MSH6: variants seen among roughly 807,000 people sequenced by gnomAD.
MSH6 encodes mutS homolog 6.
In MSH6, 85 loss-of-function variants were observed where a neutral mutation model predicts 119.1. The ratio of observed to expected loss-of-function variants is 0.71; its 90% CI spans 0.60 to 0.85. The LOEUF is 0.85. MSH6 is among the 40% of genes least tolerant of loss of function. MSH6 has a pLI of 0.00. For synonymous variants in MSH6, 830 were observed against 586.9 expected (o/e 1.41, Z -5.99); for missense variants, 2,163 against 1,655.3 (o/e 1.31, Z -5.32).
At position 47,799,291 on chromosome 2, in the gene MSH6, C is replaced by T. The variant is rs761037236; in HGVS notation, c.1308C>T (p.Tyr436=). Residue 436 remains tyrosine (Y), a synonymous_variant, in exon 4 of 10, where the codon TAC becomes TAT. Transcript: ENST00000234420. The part of the protein sequence containing the change: ...CYKVGKFYEL[Y]HMDALIGVSE... ...AGGTGGGGAAATTTTATGAGCTGTA[C>T]CACATGGATGCTCTTATTGGAGTCA... The T allele has an allele frequency of 3.1e-6, 5 of 1,613,826 alleles. No individual in the cohort carries two copies. Among genetic ancestry groups the T allele is most frequent in the Admixed American group, 1.7e-5 (1 of 59,992 alleles).
In MSH6 at chr2:47,800,496, C is replaced by G. The variant is rs770952730; in HGVS notation, c.2513C>G (p.Pro838Arg). ...TCTCCCCTGAAGAGTCAGAACCACC[C>G]AGACAGCAGGGCTATAATGTATGAA... The part of the protein sequence containing the change: ...VGSPLKSQNH[P>R]DSRAIMYEET... Residue 838 changes from proline to arginine, a missense_variant, in exon 4 of 10, where the codon CCA becomes CGA. By Grantham distance (103) the Pro-to-Arg change is moderately radical (BLOSUM62 -2). Coordinates refer to ENST00000234420, the MANE Select transcript of MSH6 (RefSeq NM_000179.3). 3 of 1,612,666 alleles carry G rather than the reference C, an allele frequency of 1.9e-6. No individual in the cohort carries two copies. Among genetic ancestry groups the G allele is most frequent in the Non-Finnish European group, 2.5e-6 (3 of 1,179,688 alleles).
intron 1 of MSH6, chr2:47,784,139 G>T: frequency 9.9e-7 from 1 of 1,005,046 alleles, no homozygotes; most frequent in Non-Finnish European, 1.2e-6. Flanking sequence ...GCCACGAGCT[G>T]CGAGCGCGGG....
Position 47,806,299 on chromosome 2 carries a change from C to A in MSH6, c.3742C>A (p.His1248Asn), listed in dbSNP as rs63750882. 1 of 1,614,054 alleles carries A rather than the reference C, an allele frequency of 6.2e-7. No individual in the cohort carries two copies. The highest frequency in any genetic ancestry group is 8.5e-7 in the Non-Finnish European group (1 of 1,179,916). ...AAAATGTCGTACATTATTTTCAACT[C>A]ACTACCATTCATTAGTAGAAGATTA... ...TIKCRTLFST[H>N]YHSLVEDYSQ... The change falls in exon 8 of 10, where the codon CAC (histidine) becomes AAC (asparagine). Residue 1248 changes from histidine to asparagine, a missense_variant. By Grantham distance (68) the His-to-Asn change is moderately conservative. Transcript: ENST00000234420.
chr2:47,805,304 C>T (rs964063169), intron 6 of MSH6, among the ~76,000 whole-genome samples: 4 of 151,900 alleles, frequency 2.6e-5, no homozygotes, highest in East Asian at 1.9e-4. Context: ...CTCAGCCTCT[C>T]GAGTAGCTGG....
intron 1 of MSH6, among the ~76,000 whole-genome samples, chr2:47,788,238 C>G (rs1397507400): frequency 1.8e-5 from 2 of 112,412 alleles, no homozygotes; most frequent in Admixed American, 1.9e-4. Context: ...TTCTTTCATT[C>G]TTTCTTTCTT....
intron 2 of MSH6, 110 bp downstream of exon 2, chr2:47,791,233 A>C: frequency 9.4e-7 from 1 of 1,069,436 alleles, no homozygotes; most frequent in Non-Finnish European, 1.4e-6. Context: ...AGTGTATTTT[A>C]CCCCAGTAAA....
intron 1 of MSH6, among the ~76,000 whole-genome samples, chr2:47,787,856 A>C (rs1668441360): frequency 6.6e-6 from 1 of 152,116 alleles, no homozygotes; most frequent in Admixed American, 6.6e-5. Context: ...TGGGCTCTTA[A>C]GAGATCCTCC....
At chr2:47,788,912 T>C (rs1668536052) in intron 1 of MSH6, among the ~76,000 whole-genome samples, 1 of 63,622 alleles carries the variant, frequency 1.6e-5, no homozygotes, top group Non-Finnish European at 3.3e-5. Flanking sequence ...TCTTCCTTTT[T>C]TTTTTTTTTG....
Position 47,803,440 on chromosome 2 carries a change from A to G in MSH6, c.3193A>G (p.Asn1065Asp), listed in dbSNP as rs1669731638. The part of the protein sequence containing the change: ...AVLDVLLCLA[N>D]YSRGGDGPMC... ...AACAGATGTTTTACTGTGCCTGGCT[A>G]ACTATAGTCGAGGGGGTGATGGTCC... is the stretch of plus-strand genomic sequence containing the variant. The change falls in exon 5 of 10, where the codon AAC becomes GAC. Residue 1065 changes from asparagine to aspartate, a missense_variant. By Grantham distance (23) the Asn-to-Asp change is conservative. Transcript: ENST00000234420. 6.2e-7 allele frequency: 1 copy of G among 1,614,172 alleles called. No individual in the cohort carries two copies. The highest frequency in any genetic ancestry group is 8.5e-7 in the Non-Finnish European group (1 of 1,180,030).
chr2:47,783,371 G>T lies in MSH6; in HGVS notation c.138G>T (p.Gly46=). The change falls in exon 1 of 10, where the codon GGG becomes GGT. Residue 46 remains glycine, a synonymous_variant. Transcript: ENST00000234420. ...CCGGGGCCTCTCCTTCCCCAGGCGG[G>T]GATGCGGCCTGGAGCGAGGCTGGGC... The part of the protein sequence containing the change: ...AAPGASPSPG[G]DAAWSEAGPG... 6.2e-7 allele frequency: 1 copy of T among 1,601,500 alleles called. No individual in the cohort carries two copies. Among genetic ancestry groups the T allele is most frequent in the Non-Finnish European group, 8.5e-7 (1 of 1,174,190 alleles).
At chr2:47,809,730 G>C, downstream of MSH6, 1 of 1,483,324 alleles carries the variant, frequency 6.7e-7, no homozygotes, top group South Asian at 1.1e-5. Flanking sequence ...TTACAAACAA[G>C]TAGATACATC....
downstream of MSH6, chr2:47,810,001 T>A: frequency 2.0e-6 from 1 of 492,528 alleles, no homozygotes; most frequent in Non-Finnish European, 3.6e-6. Flanking sequence ...TGTTGCAGAT[T>A]TAAACTGGTA....
chr2:47,806,718 G>GA lies in MSH6; in HGVS notation c.4002-59dup, dbSNP rs1392840798. The GA allele has an allele frequency of 1.9e-6, 3 of 1,568,248 alleles. No homozygotes were observed. The African/African-American group carries it at 4.1e-5, about 22-fold the overall frequency. ...AAGTTTCAAAGAAACAGTAAAAGGG[G>GA]AAGGGATGATGCACTATGAAAAAAC... On this transcript the variant is annotated intron_variant, in intron 9 of 9. Transcript: ENST00000234420.
chr2:47,804,841 T>A, intron 5 of MSH6, 69 bp from the exon 6 acceptor site: 1 of 1,219,530 alleles, frequency 8.2e-7, no homozygotes, highest in Non-Finnish European at 1.2e-6. Flanking sequence ...TAAGGGTTCA[T>A]AAGAAAGACA....
chr2:47,790,886 A>C, intron 1 of MSH6, 41 bp from the exon 2 acceptor site: 1 of 1,597,192 alleles, frequency 6.3e-7, no homozygotes, highest in Non-Finnish European at 8.6e-7. Flanking sequence ...AGGAAACTTG[A>C]CCAAATATTA....
Position 47,801,154 on chromosome 2 carries a change from G to C in MSH6, c.3171G>C (p.Leu1057Phe). Residue 1057 changes from leucine (L) to phenylalanine (F), a missense_variant and splice_region_variant, in exon 4 of 10, where the codon TTG becomes TTC. By Grantham distance (22) the Leu-to-Phe change is conservative. Transcript: ENST00000234420. ...CTGCTGTAGAGTGTATCGCAGTGTTGGGTAAGACTTTGAACAAGCTTGTTC... is the reference window on the plus strand; with the variant it reads ...CTGCTGTAGAGTGTATCGCAGTGTTCGGTAAGACTTTGAACAAGCTTGTTC... The part of the protein sequence containing the change: ...WQSAVECIAV[L>F]DVLLCLANYS... 6.2e-7 allele frequency: 1 copy of C among 1,609,210 alleles called. No individual in the cohort carries two copies. Among genetic ancestry groups the C allele is most frequent in the Non-Finnish European group, 8.5e-7 (1 of 1,179,940 alleles).
rs63750138 is a variant in MSH6, at chr2:47,800,297, C to A, written c.2314C>A (p.Arg772=). The change falls in exon 4 of 10, where the codon CGG becomes AGG. Residue 772 remains arginine (R), a synonymous_variant. Coordinates refer to ENST00000234420, the MANE Select transcript of MSH6 (RefSeq NM_000179.3). The stretch of plus-strand genomic sequence containing the variant: ...TACTTGCCATACTCCTTTTGGTAAG[C>A]GGCTCCTAAAGCAATGGCTTTGTGC... ...VDTCHTPFGK[R]LLKQWLCAPL... is the part of the protein sequence containing the mutation. 9.3e-6 allele frequency: 15 copies of A among 1,614,054 alleles called. No individual in the cohort carries two copies. The African/African-American group carries it at 1.3e-4, about 14-fold the overall frequency.
chr2:47,806,695 G>C (rs2104571213), intron 9 of MSH6, 44 bp downstream of exon 9: 1 of 1,581,668 alleles, frequency 6.3e-7, no homozygotes, highest in Non-Finnish European at 8.6e-7. Flanking sequence ...CTGACCTTAA[G>C]TTTCAAAGAA....
intron 3 of MSH6, among the ~76,000 whole-genome samples, chr2:47,796,851 C>T (rs899685169): frequency 3.3e-5 from 5 of 152,214 alleles, no homozygotes; most frequent in African/African-American, 9.6e-5. Context: ...GTCCCAACCA[C>T]TTGGGAGGCT....
Sources: allele counts gnomAD v4.1 joint callset (sites outside exome capture counted in the v4.1 genomes callset), GRCh38; gene constraint gnomAD v4.1.1; transcripts MANE v1.5; gene names NCBI Gene and HGNC (gene_info 2026-07-23, HGNC 2026-07-21).